MBOAT2: variants seen among roughly 807,000 people sequenced by gnomAD.
MBOAT2 encodes membrane-bound glycerophospholipid O-acyltransferase 2.
In MBOAT2, 28 loss-of-function variants were observed where a neutral mutation model predicts 63.4. The ratio of observed to expected loss-of-function variants is 0.44; its 90% confidence interval spans 0.33 to 0.61. The LOEUF (loss-of-function observed/expected upper bound fraction) is 0.61. Ranked by LOEUF, MBOAT2 falls within the 20% of genes least tolerant of loss-of-function variation. The pLI is 0.03. For missense variants in MBOAT2, 470 were observed against 605.8 expected (o/e 0.78, Z 2.35); for synonymous variants, 211 against 215.6 (o/e 0.98, Z 0.19).
At chr2:8,981,605 G>T (rs1227307068) in intron 1 of MBOAT2, among the ~76,000 whole-genome samples, 2 of 152,020 alleles carry the variant, frequency 1.3e-5, no homozygotes, top group Non-Finnish European at 2.9e-5. Context: ...CTGCTTCTGT[G>T]ACAGGAGTGA....
intron 1 of MBOAT2, among the ~76,000 whole-genome samples, chr2:8,973,902 T>G (rs897764205): frequency 2.0e-5 from 3 of 152,084 alleles, no homozygotes; most frequent in African/African-American, 7.2e-5. Flanking sequence ...AGTGAACAAT[T>G]TGGAAATAGG....
At chr2:8,882,018 T>C (rs1485360775) in intron 6 of MBOAT2, among the ~76,000 whole-genome samples, 1 of 152,216 alleles carries the variant, frequency 6.6e-6, no homozygotes, top group Non-Finnish European at 1.5e-5. Flanking sequence ...AAGTAGAAGC[T>C]TATCCCAGAA....
chr2:8,900,720 A>C (rs1558591816), intron 4 of MBOAT2, among the ~76,000 whole-genome samples: 1 of 152,204 alleles, frequency 6.6e-6, no homozygotes, highest in Non-Finnish European at 1.5e-5. Flanking sequence ...TATAAATTTC[A>C]AGCTTTGCAT....
chr2:8,890,908 C>T (rs906091009), intron 4 of MBOAT2, among the ~76,000 whole-genome samples: 3 of 152,184 alleles, frequency 2.0e-5, no homozygotes, highest in Non-Finnish European at 4.4e-5. Context: ...TATACTCTCT[C>T]CCATCTGTTC....
At chr2:8,860,494 T>C (rs777043423) in intron 12 of MBOAT2, 119 bp downstream of exon 12, 1 of 981,532 alleles carries the variant, frequency 1.0e-6, no homozygotes, top group Non-Finnish European at 1.6e-6. Context: ...TAACTGATAA[T>C]GCATTTATCA....
chr2:8,860,536 A>C, intron 12 of MBOAT2, 77 bp downstream of exon 12: 2 of 1,436,718 alleles, frequency 1.4e-6, no homozygotes, highest in South Asian at 2.5e-5. Flanking sequence ...CTGTTTTTCT[A>C]TTCTATCCAA....
At chr2:8,982,927 C>A (rs749002426) in intron 1 of MBOAT2, among the ~76,000 whole-genome samples, 1 of 152,246 alleles carries the variant, frequency 6.6e-6, no homozygotes, top group South Asian at 2.1e-4. Flanking sequence ...GGGACCATAG[C>A]GGATCTGATT....
In MBOAT2 at chr2:8,853,791, A is replaced by T. The variant is rs886463340; in HGVS notation, c.*4888T>A. On this transcript the variant is annotated 3_prime_UTR_variant, in exon 13 of 13. Transcript: ENST00000305997. The stretch of plus-strand genomic sequence containing the variant: ...TCTTTATAAAAGTTGTACTTAAAGA[A>T]GAGTTATAATCAGTTTTAAAGGCAA... 1 of 152,234 alleles carries T rather than the reference A, an allele frequency of 6.6e-6. No individual in the cohort carries two copies. The highest frequency in any genetic ancestry group is 2.4e-5 in the African/African-American group (1 of 41,468). The allele number at this position is 152,234 out of a possible 1,614,324, so 9.4% of individuals were successfully genotyped here.
intron 3 of MBOAT2, among the ~76,000 whole-genome samples, chr2:8,938,895 C>G (rs1667857160): frequency 6.6e-6 from 1 of 152,180 alleles, no homozygotes; most frequent in Admixed American, 6.5e-5. Context: ...AATTCACATA[C>G]CATGCCCCCC....
chr2:8,943,335 T>TA, intron 2 of MBOAT2, 71 bp from the exon 3 acceptor site: 2 of 890,058 alleles, frequency 2.2e-6, no homozygotes, highest in Non-Finnish European at 3.4e-6. Flanking sequence ...TGAATTAAGC[T>TA]AAAAAATACT....
At chr2:8,899,332 C>T (rs62104418) in intron 4 of MBOAT2, among the ~76,000 whole-genome samples, 10,351 of 152,264 alleles carry the variant, frequency 0.068, 383 homozygotes, top group Middle Eastern at 0.095. Context: ...CTCCCAATTA[C>T]AACTGAGGAG....
chr2:8,948,690 G>C (rs1217992755), intron 2 of MBOAT2, among the ~76,000 whole-genome samples: 1 of 152,206 alleles, frequency 6.6e-6, no homozygotes, highest in Non-Finnish European at 1.5e-5. Context: ...TTTTACAGCT[G>C]TGTGGTATTC....
chr2:8,871,257 C>A (rs1378547605), intron 8 of MBOAT2, among the ~76,000 whole-genome samples: 1 of 152,138 alleles, frequency 6.6e-6, no homozygotes, highest in Non-Finnish European at 1.5e-5. Flanking sequence ...CTCAGCCTCC[C>A]AACATGCTGG....
chr2:8,933,557 G>A (rs1360373490), intron 3 of MBOAT2, among the ~76,000 whole-genome samples: 1 of 152,170 alleles, frequency 6.6e-6, no homozygotes, highest in African/African-American at 2.4e-5. Flanking sequence ...GCACAGGCTA[G>A]TTTTGAACTC....
intron 1 of MBOAT2, among the ~76,000 whole-genome samples, chr2:8,985,304 C>T (rs1259334685): frequency 6.6e-6 from 1 of 152,004 alleles, no homozygotes; most frequent in Non-Finnish European, 1.5e-5. Context: ...TTTCATCATT[C>T]GAATCAAATT....
intron 1 of MBOAT2, among the ~76,000 whole-genome samples, chr2:8,998,517 G>A (rs1236314797): frequency 2.0e-5 from 3 of 152,040 alleles, no homozygotes; most frequent in Non-Finnish European, 4.4e-5. Flanking sequence ...GTACAGACCT[G>A]CAGGAAGATT....
In MBOAT2 at chr2:8,860,711, A is replaced by G; in HGVS notation, c.1239T>C (p.Phe413=). ...YFIEPSQLKL[F]YDVITWIVTQ... is the part of the protein sequence containing the mutation. ...TTACTATCCATGTTATAACATCATA[A>G]AATAATTTCAGTTGGGAAGGTTCAA... is the stretch of plus-strand genomic sequence containing the variant. The change falls in exon 12 of 13, where the codon TTT becomes TTC. Residue 413 remains phenylalanine (F), a synonymous_variant. Coordinates refer to ENST00000305997, the MANE Select transcript of MBOAT2 (RefSeq NM_138799.4). 6.2e-7 allele frequency: 1 copy of G among 1,606,406 alleles called. No individual in the cohort carries two copies. The highest frequency in any genetic ancestry group is 1.1e-5 in the South Asian group (1 of 90,426).
At chr2:8,919,316 T>A (rs1666406034) in intron 3 of MBOAT2, among the ~76,000 whole-genome samples, 1 of 152,252 alleles carries the variant, frequency 6.6e-6, no homozygotes, top group African/African-American at 2.4e-5. Context: ...CCAAAGTGAC[T>A]ACAATTTTTA....
In MBOAT2 at chr2:8,905,594, G is replaced by A. The variant is rs1242274744; in HGVS notation, c.395+3027C>T. ...ACCGCATGTTGTTATTCACAGGTAG[G>A]AAGTGAACAATGAGAACACTTGGAC... On this transcript the variant is annotated intron_variant, in intron 4 of 12. Transcript: ENST00000305997. Among the ~76,000 whole-genome samples, 5 of 152,122 alleles carry A rather than the reference G, an allele frequency of 3.3e-5. No individual in the cohort carries two copies. In the East Asian group the frequency reaches 7.7e-4, roughly 23 times the overall value.
Sources: gnomAD v4.1 joint callset for allele counts (sites outside exome capture counted in the v4.1 genomes callset) on GRCh38, gnomAD v4.1.1 for gene constraint, MANE v1.5 for transcripts, NCBI Gene and HGNC (gene_info 2026-07-23, HGNC 2026-07-21) for gene names.